The following EYS variants were observed in gnomAD, a reference collection of about 807,000 sequenced individuals.
EYS encodes the protein protein eyes shut homolog.
EYS carries 250 observed loss-of-function variants against 282.1 expected under a neutral mutation model. The observed-to-expected ratio is 0.89, with a 90% confidence interval of 0.80 to 0.98. The LOEUF (loss-of-function observed/expected upper bound fraction) is 0.98, where lower values mean the gene tolerates loss of function less well. Among genes scored for constraint, EYS ranks in the 50% least tolerant of loss-of-function variants. The pLI, the probability that EYS is intolerant of heterozygous loss-of-function variation, is 0.00. For synonymous variants in EYS, 1,355 were observed against 1,282.9 expected (o/e 1.06, Z -1.20); for missense variants, 4,016 against 3,709.0 (o/e 1.08, Z -2.15).
At position 63,762,632 on chromosome 6, in the gene EYS, A is replaced by C; in HGVS notation, c.7900T>G (p.Cys2634Gly). 1 of 1,549,444 alleles carries C rather than the reference A, an allele frequency of 6.5e-7. No individual in the cohort carries two copies. The highest frequency in any genetic ancestry group is 8.7e-7 in the Non-Finnish European group (1 of 1,145,718). Reference protein sequence around the residue: ...TCIESGTSVYCNCTTGWKGSF... With the variant: ...TCIESGTSVYGNCTTGWKGSF... ...CCTTTCCACCCAGTGGTACAATTGC[A>C]GCTGTGGGTTGAGAGAAAGCCGCAT... Residue 2634 changes from cysteine to glycine, a missense_variant and splice_region_variant, in exon 41 of 43, where the codon TGC (cysteine) becomes GGC (glycine). By Grantham distance (159) the Cys-to-Gly change is radical (BLOSUM62 -3). Coordinates refer to ENST00000503581, the MANE Select transcript of EYS (RefSeq NM_001142800.2).
intron 35 of EYS, among the ~76,000 whole-genome samples, chr6:63,917,448 C>A (rs72872881): frequency 2.6e-5 from 4 of 152,200 alleles, no homozygotes; most frequent in African/African-American, 9.7e-5. Context: ...TTGGCATTTT[C>A]CTCTGTTCAT....
intron 5 of EYS, among the ~76,000 whole-genome samples, chr6:65,474,939 A>C (rs1419396245): frequency 6.6e-6 from 1 of 152,002 alleles, no homozygotes; most frequent in Non-Finnish European, 1.5e-5. Context: ...AAACAGAGAG[A>C]CTTGCATTTT....
intron 5 of EYS, among the ~76,000 whole-genome samples, chr6:65,438,098 C>T (rs1768151197): frequency 6.7e-6 from 1 of 150,240 alleles, no homozygotes; most frequent in African/African-American, 2.4e-5. Context: ...CGAGTGAGAA[C>T]ATGTAGTGTT....
intron 29 of EYS, among the ~76,000 whole-genome samples, chr6:64,344,458 A>T (rs991088047): frequency 6.6e-6 from 1 of 152,106 alleles, no homozygotes; most frequent in African/African-American, 2.4e-5. Context: ...GACAAAAACC[A>T]CATGATTATC....
chr6:64,772,193 C>T (rs1276101885), intron 22 of EYS, among the ~76,000 whole-genome samples: 1 of 151,476 alleles, frequency 6.6e-6, no homozygotes, highest in Non-Finnish European at 1.5e-5. Flanking sequence ...TTTAGGGAAT[C>T]CATTTTGGGG....
At chr6:64,398,588 C>T (rs1220363024) in intron 28 of EYS, among the ~76,000 whole-genome samples, 3 of 151,734 alleles carry the variant, frequency 2.0e-5, no homozygotes, top group African/African-American at 7.2e-5. Context: ...TACAGACATC[C>T]AAACACATTT....
At chr6:64,852,221 T>A (rs762947606) in intron 19 of EYS, among the ~76,000 whole-genome samples, 3 of 152,122 alleles carry the variant, frequency 2.0e-5, no homozygotes, top group Non-Finnish European at 4.4e-5. Flanking sequence ...TGTGAGGGTG[T>A]TGGCAAAGGA....
chr6:64,845,454 C>G (rs1765689784), intron 19 of EYS, among the ~76,000 whole-genome samples: 1 of 151,926 alleles, frequency 6.6e-6, no homozygotes, highest in African/African-American at 2.4e-5. Flanking sequence ...ATGGTGAATC[C>G]TATCATTGAT....
intron 22 of EYS, among the ~76,000 whole-genome samples, chr6:64,748,571 C>G (rs1439849735): frequency 3.9e-5 from 6 of 152,168 alleles, no homozygotes; most frequent in Non-Finnish European, 7.3e-5. Context: ...TTCAAAATAA[C>G]TCATCTATCA....
chr6:64,478,919 A>T (rs1242889317), intron 26 of EYS, among the ~76,000 whole-genome samples: 1 of 151,874 alleles, frequency 6.6e-6, no homozygotes, highest in East Asian at 1.9e-4. Flanking sequence ...AGATAAATAA[A>T]AGAATATACA....
At chr6:64,707,907 T>C (rs974954287) in intron 22 of EYS, among the ~76,000 whole-genome samples, 2 of 152,060 alleles carry the variant, frequency 1.3e-5, no homozygotes, top group African/African-American at 4.8e-5. Context: ...AATCACCTAT[T>C]TTTAAAAAAG....
At chr6:65,466,596 A>T (rs1459163272) in intron 5 of EYS, among the ~76,000 whole-genome samples, 1 of 152,172 alleles carries the variant, frequency 6.6e-6, no homozygotes, top group Admixed American at 6.6e-5. Context: ...AAATGAAAAA[A>T]AAAAAGGAAA....
At chr6:64,994,995 T>C (rs1771200216) in intron 14 of EYS, among the ~76,000 whole-genome samples, 1 of 152,146 alleles carries the variant, frequency 6.6e-6, no homozygotes, top group South Asian at 2.1e-4. Context: ...ATAATGTCTT[T>C]GATACCTGAG....
chr6:65,225,498 G>T (rs1766597670), intron 12 of EYS, among the ~76,000 whole-genome samples: 2 of 151,634 alleles, frequency 1.3e-5, no homozygotes, highest in South Asian at 4.2e-4. Context: ...GGCAGATCAT[G>T]AGGTCAGAAG....
chr6:65,338,615 C>T (rs550595854), intron 10 of EYS, among the ~76,000 whole-genome samples: 2 of 150,790 alleles, frequency 1.3e-5, no homozygotes, highest in Admixed American at 6.6e-5. Context: ...TGCACAAAAA[C>T]CTCAATATTA....
At chr6:64,480,122 T>G (rs1776393166) in intron 26 of EYS, among the ~76,000 whole-genome samples, 1 of 151,914 alleles carries the variant, frequency 6.6e-6, no homozygotes, top group African/African-American at 2.4e-5. Flanking sequence ...TCATTCACTC[T>G]CTCCAGTTGT....
intron 2 of EYS, among the ~76,000 whole-genome samples, chr6:65,589,364 G>T (rs1388156549): frequency 6.6e-6 from 1 of 151,988 alleles, no homozygotes; most frequent in African/African-American, 2.4e-5. Flanking sequence ...TGTTTCGTCA[G>T]TCTGCAATTA....
At chr6:65,441,515 CAGTT>C (rs926461607) in intron 5 of EYS, among the ~76,000 whole-genome samples, 7 of 152,054 alleles carry the variant, frequency 4.6e-5, no homozygotes, top group Non-Finnish European at 5.9e-5. Flanking sequence ...ATTCACTAAA[CAGTT>C]AGGTCTTTCA....
Position 64,307,001 on chromosome 6 carries a change from C to G in EYS, c.6160G>C (p.Ala2054Pro), listed in dbSNP as rs1420433385. ...NNWRSFIPSKAVKNYHINNCR... is the reference protein window; with the variant it reads ...NNWRSFIPSKPVKNYHINNCR... ...TTGTTAATGTGATAGTTTTTCACTG[C>G]CTTGGATGGAATGAAAGATCTCCAG... The change falls in exon 30 of 43, where the codon GCA (alanine) becomes CCA (proline). Residue 2054 changes from alanine (A) to proline (P), a missense_variant. Physicochemically the swap from Ala to Pro is conservative, Grantham distance 27 (BLOSUM62 -1). Transcript: ENST00000503581. 1 of 1,539,490 alleles carries G rather than the reference C, an allele frequency of 6.5e-7. No homozygotes were observed.
Sources: gnomAD v4.1 joint callset for allele counts (sites outside exome capture counted in the v4.1 genomes callset) on GRCh38, gnomAD v4.1.1 for gene constraint, MANE v1.5 for transcripts, NCBI Gene and HGNC (gene_info 2026-07-23, HGNC 2026-07-21) for gene names.